Variants in COL20A1 observed in about 807,000 individuals in gnomAD.
COL20A1 encodes collagen alpha-1(XX) chain.
COL20A1 carries 164 observed loss-of-function variants against 152.9 expected under a neutral mutation model. That is an observed-to-expected ratio of 1.07 (90% CI 0.94 to 1.22). The LOEUF (loss-of-function observed/expected upper bound fraction) is 1.22. COL20A1 is among the 50% of genes most tolerant of loss of function. The pLI is 0.00. For missense variants in COL20A1, 1,873 were observed against 1,744.8 expected (o/e 1.07, Z -1.31); for synonymous variants, 864 against 756.0 (o/e 1.14, Z -2.34).
At chr20:63,298,714 C>G (rs563476983) in intron 3 of COL20A1, among the ~76,000 whole-genome samples, 1 of 152,306 alleles carries the variant, frequency 6.6e-6, no homozygotes, top group African/African-American at 2.4e-5. Context: ...ATCCTTGTTT[C>G]CAGGAGCAGG....
chr20:63,316,476 C>A, intron 20 of COL20A1, 77 bp from the exon 21 acceptor site: 2 of 1,316,980 alleles, frequency 1.5e-6, no homozygotes, highest in Non-Finnish European at 1.0e-6. Flanking sequence ...CTCTTGAGTC[C>A]CCGCTCCTGC....
chr20:63,303,587 A>G (rs2067884325), intron 3 of COL20A1, among the ~76,000 whole-genome samples: 1 of 152,210 alleles, frequency 6.6e-6, no homozygotes, highest in Non-Finnish European at 1.5e-5. Context: ...TGCTTAGGAT[A>G]CTGCCAGGCA....
chr20:63,305,243 T>C lies in COL20A1; in HGVS notation c.194-174T>C, dbSNP rs2067908531. ...CCCAAGACCCCCATTCTCTGTCACA[T>C]TATTACCCAGGAGCCCATGTCCCTT... On this transcript the variant is annotated intron_variant, in intron 3 of 35. Coordinates refer to ENST00000358894, the MANE Select transcript of COL20A1 (RefSeq NM_020882.4). This position sits in a 1 kb window ranked among gnomAD's most constrained non-coding sequence, Gnocchi z 4.9. 6.6e-6 allele frequency among the ~76,000 whole-genome samples: 1 copy of C among 152,012 alleles called. No homozygotes were observed. The highest frequency in any genetic ancestry group is 2.1e-4 in the South Asian group (1 of 4,814).
Position 63,321,102 on chromosome 20 carries a change from G to T in COL20A1, c.3240+3G>T. On this transcript the variant is annotated splice_donor_region_variant and intron_variant, in intron 26 of 35. Transcript: ENST00000358894. ...CCCCAGGACCTCAAGGACCCCCAGT[G>T]AGTCCAGTGGCGTCTCCTTGGGGTG... The T allele has an allele frequency of 6.3e-7, 1 of 1,584,006 alleles. No individual in the cohort carries two copies. Among genetic ancestry groups the T allele is most frequent in the Non-Finnish European group, 8.6e-7 (1 of 1,163,782 alleles).
chr20:63,329,349 C>A, intron 34 of COL20A1: 1 of 575,034 alleles, frequency 1.7e-6, no homozygotes, highest in Non-Finnish European at 3.1e-6. Flanking sequence ...ACAGGGCCCC[C>A]ACCTGACGCC....
chr20:63,329,346 CCCCACCTGACGCCTT>C (rs2068301123), intron 34 of COL20A1: 1 of 573,346 alleles, frequency 1.7e-6, no homozygotes, highest in Admixed American at 3.1e-5. Flanking sequence ...ATCACAGGGC[CCCCACCTGACGCCTT>C]CCCACCTGGC....
intron 34 of COL20A1, 148 bp from the exon 35 acceptor site, chr20:63,329,436 GC>G: frequency 1.6e-6 from 1 of 634,514 alleles, no homozygotes; most frequent in Non-Finnish European, 2.8e-6. Context: ...GACCTGGCAC[GC>G]TGCTGCCCCT....
At position 63,320,378 on chromosome 20, in the gene COL20A1, G is replaced by A. The variant is rs926268971; in HGVS notation, c.3153+10G>A. 6.2e-6 allele frequency: 10 copies of A among 1,610,116 alleles called. No individual in the cohort carries two copies. The highest frequency in any genetic ancestry group is 7.6e-6 in the Non-Finnish European group (9 of 1,179,570). On this transcript the variant is annotated intron_variant, in intron 25 of 35. Transcript: ENST00000358894. ...TGAGCTCCCTGCCTCGGTGTGCCCCGTCCCTTGCCCCTGTTCCACGAAGCA... is the reference window on the plus strand; with the variant it reads ...TGAGCTCCCTGCCTCGGTGTGCCCCATCCCTTGCCCCTGTTCCACGAAGCA...
intron 3 of COL20A1, among the ~76,000 whole-genome samples, chr20:63,304,130 C>T (rs1337121470): frequency 7.9e-6 from 1 of 127,180 alleles, no homozygotes; most frequent in African/African-American, 3.0e-5. Flanking sequence ...CCTCCCTCCT[C>T]TTCTCCCTCC....
intron 5 of COL20A1, 112 bp from the exon 6 acceptor site, chr20:63,307,378 A>G: frequency 9.5e-7 from 1 of 1,054,330 alleles, no homozygotes; most frequent in Admixed American, 2.4e-5. Flanking sequence ...TTCCCCTGAA[A>G]CCTGGCCCAG....
chr20:63,304,110 G>T (rs1601407681), intron 3 of COL20A1, among the ~76,000 whole-genome samples: 1 of 145,218 alleles, frequency 6.9e-6, no homozygotes, highest in Middle Eastern at 4.1e-3. Flanking sequence ...CAGGTGTGCA[G>T]GTGTGGGTTC....
chr20:63,326,797 G>C lies in COL20A1; in HGVS notation c.3502G>C (p.Gly1168Arg). 3 of 1,500,298 alleles carry C rather than the reference G, an allele frequency of 2.0e-6. No individual in the cohort carries two copies. Among genetic ancestry groups the C allele is most frequent in the Non-Finnish European group, 2.6e-6 (3 of 1,136,814 alleles). The allele number at this position is 1,500,298 out of a possible 1,614,324, so 92.9% of individuals were successfully genotyped here. Residue 1168 changes from glycine to arginine, a missense_variant, in exon 31 of 36, where the codon GGA becomes CGA. Transcript: ENST00000358894. The part of the protein sequence containing the change: ...AGARGTSGER[G>R]PPGTVGPTGL... ...GGCCAGGGGCACTAGTGGAGAGCGA[G>C]GACCTCCAGGGACCGTGGGGCCCAC...
chr20:63,318,966 A>G (rs994542472), intron 21 of COL20A1, 92 bp from the exon 22 acceptor site: 14 of 990,452 alleles, frequency 1.4e-5, no homozygotes, highest in African/African-American at 3.2e-5. Context: ...AGGGACTGGC[A>G]CTGGGGCTGG....
chr20:63,309,661 A>C, intron 9 of COL20A1, 97 bp from the exon 10 acceptor site: 1 of 1,303,798 alleles, frequency 7.7e-7, no homozygotes, highest in Non-Finnish European at 1.0e-6. Flanking sequence ...GCTGGGGAGC[A>C]GCTTTCCTGT....
At chr20:63,303,201 T>C (rs958841832) in intron 3 of COL20A1, among the ~76,000 whole-genome samples, 1 of 152,174 alleles carries the variant, frequency 6.6e-6, no homozygotes, top group Non-Finnish European at 1.5e-5. Flanking sequence ...ATCACAATAA[T>C]ATTTATCCCA....
At chr20:63,318,174 T>C (rs2068108997) in intron 21 of COL20A1, among the ~76,000 whole-genome samples, 1 of 152,020 alleles carries the variant, frequency 6.6e-6, no homozygotes, top group South Asian at 2.1e-4. Context: ...GGCAGATGGT[T>C]CTCCAGGTGC....
intron 32 of COL20A1, 25 bp downstream of exon 32, chr20:63,328,012 T>G: frequency 6.2e-7 from 1 of 1,611,800 alleles, no homozygotes; most frequent in Non-Finnish European, 8.5e-7. Context: ...GATCTTTGGC[T>G]CACTTGGGAT....
chr20:63,307,032 G>A (rs1468836029), intron 5 of COL20A1, among the ~76,000 whole-genome samples: 1 of 152,224 alleles, frequency 6.6e-6, no homozygotes, highest in African/African-American at 2.4e-5. Flanking sequence ...TCTCCCCGGG[G>A]GTCTGGCCCT....
In COL20A1 at chr20:63,309,486, G is replaced by A. The variant is rs1255629105; in HGVS notation, c.1094G>A (p.Arg365Gln). 2.1e-5 allele frequency: 32 copies of A among 1,522,078 alleles called. No individual in the cohort carries two copies. The highest frequency in any genetic ancestry group is 8.5e-5 in the South Asian group (7 of 81,998). The allele number at this position is 1,522,078 out of a possible 1,614,324, so 94.3% of individuals were successfully genotyped here. Reference sequence around the variant, plus strand: ...CAGAGGCTCCAGGGTGGGAGCCCGCGGCAGGGCCCAGGTGAGGGGCAGGGT... The same window carrying A: ...CAGAGGCTCCAGGGTGGGAGCCCGCAGCAGGGCCCAGGTGAGGGGCAGGGT... ...ICQRLQGGSP[R>Q]QGPAAAPALD... Residue 365 changes from arginine to glutamine, a missense_variant, in exon 9 of 36, where the codon CGG (arginine) becomes CAG (glutamine). Transcript: ENST00000358894.
Sources: allele counts gnomAD v4.1 joint callset (sites outside exome capture counted in the v4.1 genomes callset), GRCh38; gene constraint gnomAD v4.1.1; non-coding constraint Gnocchi (gnomAD v3.1); transcripts MANE v1.5; gene names NCBI Gene and HGNC (gene_info 2026-07-23, HGNC 2026-07-21).